ZMAT4: variants seen among roughly 807,000 people sequenced by gnomAD.
ZMAT4 encodes zinc finger matrin-type 4.
In ZMAT4, 17 loss-of-function variants were observed where a neutral mutation model predicts 28.7. The observed-to-expected ratio is 0.59, with a 90% CI of 0.41 to 0.89. The LOEUF is 0.89. Among genes scored for constraint, ZMAT4 ranks in the 40% least tolerant of loss-of-function variants. The pLI, the probability that ZMAT4 is intolerant of heterozygous loss-of-function variation, is 0.00. For synonymous variants in ZMAT4, 117 were observed against 109.2 expected (o/e 1.07, Z -0.44); for missense variants, 240 against 283.8 (o/e 0.85, Z 1.11).
intron 5 of ZMAT4, among the ~76,000 whole-genome samples, chr8:40,622,938 A>G (rs1231627704): frequency 6.6e-6 from 1 of 152,216 alleles, no homozygotes; most frequent in Non-Finnish European, 1.5e-5. Context: ...TCCAAAGTAT[A>G]TCAGGAATTT....
chr8:40,598,744 AAAAT>A (rs879829709), intron 5 of ZMAT4, among the ~76,000 whole-genome samples: 2 of 152,204 alleles, frequency 1.3e-5, no homozygotes, highest in Non-Finnish European at 2.9e-5. Flanking sequence ...CATGCATAAG[AAAAT>A]AAATAAAATA....
intron 5 of ZMAT4, among the ~76,000 whole-genome samples, chr8:40,601,012 C>T (rs1031824168): frequency 6.6e-6 from 1 of 152,186 alleles, no homozygotes; most frequent in Non-Finnish European, 1.5e-5. Context: ...TAAGACTCAC[C>T]TCCATCCCAT....
At chr8:40,719,628 G>T (rs1810997912) in intron 3 of ZMAT4, among the ~76,000 whole-genome samples, 2 of 151,902 alleles carry the variant, frequency 1.3e-5, no homozygotes, top group African/African-American at 2.4e-5. Flanking sequence ...GGAGTGCAGT[G>T]GTGCAATCTC....
At chr8:40,647,226 C>T (rs1007518871) in intron 5 of ZMAT4, among the ~76,000 whole-genome samples, 10 of 152,110 alleles carry the variant, frequency 6.6e-5, no homozygotes, top group Admixed American at 6.5e-5. Context: ...GCCCACCGTG[C>T]GTGAGCTGAA....
At chr8:40,743,188 C>T (rs1006479457) in intron 3 of ZMAT4, among the ~76,000 whole-genome samples, 3 of 152,012 alleles carry the variant, frequency 2.0e-5, no homozygotes, top group Non-Finnish European at 2.9e-5. Context: ...CTGTGTTGGC[C>T]AAAGGCTGAC....
At chr8:40,765,639 T>C (rs1813128559) in intron 3 of ZMAT4, among the ~76,000 whole-genome samples, 1 of 152,192 alleles carries the variant, frequency 6.6e-6, no homozygotes, top group African/African-American at 2.4e-5. Flanking sequence ...CAAACATCTT[T>C]CCCACTGTAA....
At chr8:40,745,895 G>T (rs1395994662) in intron 3 of ZMAT4, among the ~76,000 whole-genome samples, 1 of 152,132 alleles carries the variant, frequency 6.6e-6, no homozygotes, top group African/African-American at 2.4e-5. Flanking sequence ...AAATGCACAT[G>T]ATTTTTATTT....
chr8:40,833,540 C>CAAAAAAACAAAAAAAAAAAAAA (rs1816364592), intron 1 of ZMAT4, among the ~76,000 whole-genome samples: 1 of 87,098 alleles, frequency 1.1e-5, no homozygotes, highest in Non-Finnish European at 2.4e-5. Flanking sequence ...TACACTCCAG[C>CAAAAAAACAAAAAAAAAAAAAA]AAAAAAAAAA....
At chr8:40,560,723 T>C (rs1803709524) in intron 6 of ZMAT4, among the ~76,000 whole-genome samples, 1 of 152,038 alleles carries the variant, frequency 6.6e-6, no homozygotes, top group African/African-American at 2.4e-5. Flanking sequence ...ACAAACTCAA[T>C]CCAAAGAAAC....
intron 6 of ZMAT4, among the ~76,000 whole-genome samples, chr8:40,554,423 G>T (rs945484990): frequency 2.6e-5 from 4 of 151,912 alleles, no homozygotes; most frequent in Admixed American, 6.6e-5. Context: ...ACTAAGTACT[G>T]GGAATACACT....
rs376283136 is a variant in ZMAT4 at position 40,676,075 on chromosome 8, A to C, written c.350-1144T>G. Among the ~76,000 whole-genome samples the C allele has an allele frequency of 3.3e-5, 5 of 152,220 alleles. No individual in the cohort carries two copies. In the East Asian group the frequency reaches 5.8e-4, roughly 18 times the overall value. ...GTATTACAACATACAAGTTGCTTCC[A>C]TCCTTACAAGGACTATGACTTGGCC... is the stretch of plus-strand genomic sequence containing the variant. On this transcript the variant is annotated intron_variant, in intron 4 of 6. Coordinates refer to ENST00000297737, the MANE Select transcript of ZMAT4 (RefSeq NM_024645.3).
intron 5 of ZMAT4, among the ~76,000 whole-genome samples, chr8:40,631,109 C>T (rs1006932222): frequency 8.5e-5 from 13 of 152,174 alleles, no homozygotes; most frequent in Middle Eastern, 3.4e-3. Context: ...TTAGACCACA[C>T]TGTAATGGAA....
intron 3 of ZMAT4, among the ~76,000 whole-genome samples, chr8:40,763,869 T>C (rs549534089): frequency 1.3e-5 from 2 of 152,288 alleles, no homozygotes; most frequent in South Asian, 4.1e-4. Flanking sequence ...AATGCCAAGC[T>C]TCTCTATGTT....
At chr8:40,708,509 G>A (rs552225837) in intron 3 of ZMAT4, among the ~76,000 whole-genome samples, 2 of 150,016 alleles carry the variant, frequency 1.3e-5, no homozygotes, top group Non-Finnish European at 3.0e-5. Context: ...ATACACTTCC[G>A]TAAACAAACC....
chr8:40,849,535 C>G (rs1817027299), intron 1 of ZMAT4, among the ~76,000 whole-genome samples: 1 of 152,146 alleles, frequency 6.6e-6, no homozygotes, highest in Non-Finnish European at 1.5e-5. Context: ...CCACCTGTCC[C>G]CTGAAGAACA....
intron 6 of ZMAT4, among the ~76,000 whole-genome samples, chr8:40,564,071 G>A (rs1447431925): frequency 9.2e-5 from 14 of 152,124 alleles, no homozygotes; most frequent in Non-Finnish European, 2.9e-5. Flanking sequence ...ATATGATCAT[G>A]AAATTACTTA....
At chr8:40,774,631 T>C (rs1028936811) in intron 2 of ZMAT4, among the ~76,000 whole-genome samples, 1 of 151,644 alleles carries the variant, frequency 6.6e-6, no homozygotes, top group Non-Finnish European at 1.5e-5. Flanking sequence ...ATCCATATAA[T>C]AGATACCAAA....
At chr8:40,707,062 T>C (rs754116397) in intron 3 of ZMAT4, among the ~76,000 whole-genome samples, 1 of 152,226 alleles carries the variant, frequency 6.6e-6, no homozygotes, top group Non-Finnish European at 1.5e-5. Flanking sequence ...TCTACCTGTC[T>C]TTGTTCACAT....
intron 4 of ZMAT4, among the ~76,000 whole-genome samples, chr8:40,676,768 C>A (rs1263887881): frequency 6.6e-6 from 1 of 152,144 alleles, no homozygotes; most frequent in Non-Finnish European, 1.5e-5. Context: ...CAGGGACTCA[C>A]AAACAGTACG....
Sources: allele counts gnomAD v4.1 joint callset (sites outside exome capture counted in the v4.1 genomes callset), GRCh38; gene constraint gnomAD v4.1.1; transcripts MANE v1.5; gene names NCBI Gene and HGNC (gene_info 2026-07-23, HGNC 2026-07-21).